DYNC1I1: variants seen among roughly 807,000 people sequenced by gnomAD.
The protein encoded by DYNC1I1 is cytoplasmic dynein 1 intermediate chain 1.
In DYNC1I1, 43 loss-of-function variants were observed where a neutral mutation model predicts 86.6. The ratio of observed to expected loss-of-function variants is 0.50; its 90% CI spans 0.39 to 0.64. The LOEUF (loss-of-function observed/expected upper bound fraction) is 0.64. Ranked by LOEUF, DYNC1I1 falls within the 30% of genes least tolerant of loss-of-function variation. The pLI, the probability that DYNC1I1 is intolerant of heterozygous loss-of-function variation, is 0.00. For synonymous variants in DYNC1I1, 262 were observed against 283.7 expected, an observed-to-expected ratio of 0.92 and a Z score of 0.77; for missense variants, 604 against 788.8, an observed-to-expected ratio of 0.77 and a Z score of 2.81.
intron 5 of DYNC1I1, among the ~76,000 whole-genome samples, chr7:95,842,180 G>C (rs538072054): frequency 1.3e-5 from 2 of 152,146 alleles, no homozygotes; most frequent in Non-Finnish European, 2.9e-5. Context: ...TGTTGCACCC[G>C]AGCGAGTTAG....
At position 96,009,797 on chromosome 7, in the gene DYNC1I1, A is replaced by T. The variant is rs962629595; in HGVS notation, c.969+13724A>T. Among the ~76,000 whole-genome samples the T allele has an allele frequency of 2.1e-4, 31 of 151,086 alleles. 1 individual carries two copies. Among genetic ancestry groups the T allele is most frequent in the Admixed American group, 2.0e-3 (31 of 15,202 alleles). On this transcript the variant is annotated intron_variant, in intron 10 of 16. Transcript: ENST00000447467. ...GCAGATGACTTCTTTTTTTTTTTTA[A>T]GACGGAGTTTGACTCTTTGTTATCC...
At chr7:95,935,473 C>T (rs1338959371) in intron 6 of DYNC1I1, among the ~76,000 whole-genome samples, 1 of 152,022 alleles carries the variant, frequency 6.6e-6, no homozygotes, top group Non-Finnish European at 1.5e-5. Flanking sequence ...ATGGTTGCAT[C>T]TCTTTTGGAT....
intron 10 of DYNC1I1, among the ~76,000 whole-genome samples, chr7:95,999,597 C>T (rs574822196): frequency 2.0e-5 from 3 of 152,248 alleles, no homozygotes; most frequent in African/African-American, 7.2e-5. Context: ...CCTCAGCTGC[C>T]CAGTGTTTGA....
intron 6 of DYNC1I1, among the ~76,000 whole-genome samples, chr7:95,975,364 A>G (rs1584216702): frequency 6.6e-6 from 1 of 152,234 alleles, no homozygotes; most frequent in East Asian, 1.9e-4. Flanking sequence ...CCTTCTGAGG[A>G]CTGTGAGGAA....
intron 6 of DYNC1I1, among the ~76,000 whole-genome samples, chr7:95,890,231 C>A (rs909626414): frequency 3.3e-5 from 5 of 152,182 alleles, no homozygotes; most frequent in African/African-American, 7.2e-5. Flanking sequence ...TGCATATATA[C>A]CATGGAATAC....
chr7:96,109,783 G>A (rs1325100592), intron 16 of DYNC1I1, among the ~76,000 whole-genome samples: 1 of 151,994 alleles, frequency 6.6e-6, no homozygotes, highest in Non-Finnish European at 1.5e-5. Flanking sequence ...TAAGTTTATT[G>A]AGACTAGTTT....
intron 6 of DYNC1I1, among the ~76,000 whole-genome samples, chr7:95,871,569 G>C (rs1031266144): frequency 6.6e-6 from 1 of 152,132 alleles, no homozygotes; most frequent in Admixed American, 6.5e-5. Flanking sequence ...TTGACCCATA[G>C]CATAAAGTTA....
At chr7:95,844,520 C>A (rs1299816007) in intron 5 of DYNC1I1, among the ~76,000 whole-genome samples, 1 of 152,138 alleles carries the variant, frequency 6.6e-6, no homozygotes, top group Non-Finnish European at 1.5e-5. Context: ...ACATGGGAGA[C>A]AGAGTTACTA....
intron 10 of DYNC1I1, among the ~76,000 whole-genome samples, chr7:96,016,068 C>A (rs1362650290): frequency 6.6e-6 from 1 of 152,062 alleles, no homozygotes; most frequent in African/African-American, 2.4e-5. Context: ...CTGTTTCTAC[C>A]TTTGGCCTCA....
chr7:96,070,514 C>T (rs1020114708), intron 14 of DYNC1I1, among the ~76,000 whole-genome samples: 8 of 152,148 alleles, frequency 5.3e-5, no homozygotes, highest in African/African-American at 1.9e-4. Flanking sequence ...ATCATTTTTC[C>T]CAACAGGATA....
intron 6 of DYNC1I1, among the ~76,000 whole-genome samples, chr7:95,871,283 G>C (rs1361087339): frequency 1.3e-5 from 2 of 152,168 alleles, no homozygotes; most frequent in East Asian, 3.9e-4. Flanking sequence ...CCCTCTGCTG[G>C]TGAGCTTTTA....
Position 96,083,103 on chromosome 7 carries a change from G to A in DYNC1I1, c.1776+2615G>A, listed in dbSNP as rs1790571662. ...CAAATTCACTACCAAGAAAAAGAAA[G>A]GATATACTATTTTATTGAGAGTAGG... is the stretch of plus-strand genomic sequence containing the variant. On this transcript the variant is annotated intron_variant, in intron 16 of 16. Transcript: ENST00000447467. Among the ~76,000 whole-genome samples, 4 of 152,162 alleles carry A rather than the reference G, an allele frequency of 2.6e-5. No homozygotes were observed. The South Asian group carries it at 8.3e-4, about 32-fold the overall frequency.
At chr7:95,797,550 A>G (rs952193945) in intron 1 of DYNC1I1, among the ~76,000 whole-genome samples, 1 of 152,236 alleles carries the variant, frequency 6.6e-6, no homozygotes. Flanking sequence ...ACATTTTCCA[A>G]GTAACCTATT....
chr7:95,967,081 G>A (rs1357064562), intron 6 of DYNC1I1, among the ~76,000 whole-genome samples: 1 of 152,122 alleles, frequency 6.6e-6, no homozygotes, highest in East Asian at 1.9e-4. Context: ...ATATTTACTA[G>A]ACACCCACAT....
intron 3 of DYNC1I1, among the ~76,000 whole-genome samples, chr7:95,810,922 A>G (rs567684661): frequency 6.6e-6 from 1 of 152,294 alleles, no homozygotes; most frequent in East Asian, 1.9e-4. Flanking sequence ...CATAACTACC[A>G]CAGGCATAGA....
intron 10 of DYNC1I1, among the ~76,000 whole-genome samples, chr7:95,996,532 T>C (rs1793872404): frequency 6.6e-6 from 1 of 152,238 alleles, no homozygotes; most frequent in Non-Finnish European, 1.5e-5. Context: ...GTAGCTGGCA[T>C]GGGGCAAGAC....
At chr7:95,997,168 C>G (rs999291610) in intron 10 of DYNC1I1, among the ~76,000 whole-genome samples, 1 of 152,018 alleles carries the variant, frequency 6.6e-6, no homozygotes, top group African/African-American at 2.4e-5. Flanking sequence ...GGTAAATAAC[C>G]TTTATTTTCT....
chr7:95,984,943 G>C lies in DYNC1I1; in HGVS notation c.709G>C (p.Asp237His). ...GGCTGAAGATTCCGACATCTTTTTT[G>C]ACTACAGCGGCCGAGAGTTAGAGGA... The part of the protein sequence containing the change: ...ALAEDSDIFF[D>H]YSGRELEEKD... Residue 237 changes from aspartate to histidine, a missense_variant, in exon 8 of 17, where the codon GAC becomes CAC. Coordinates refer to ENST00000447467, the MANE Select transcript of DYNC1I1 (RefSeq NM_001135556.2). 6.2e-7 allele frequency: 1 copy of C among 1,613,402 alleles called. No homozygotes were observed. The highest frequency in any genetic ancestry group is 8.5e-7 in the Non-Finnish European group (1 of 1,179,650).
chr7:95,918,147 T>C (rs12667407), intron 6 of DYNC1I1, among the ~76,000 whole-genome samples: 2,209 of 152,284 alleles, frequency 0.015, 35 homozygotes, highest in East Asian at 0.029. Flanking sequence ...TTTCCCTGTC[T>C]TCAAATTGGT....
Sources: gnomAD v4.1 joint callset for allele counts (sites outside exome capture counted in the v4.1 genomes callset) on GRCh38, gnomAD v4.1.1 for gene constraint, MANE v1.5 for transcripts, NCBI Gene and HGNC (gene_info 2026-07-23, HGNC 2026-07-21) for gene names.